ZNF774: variants seen among roughly 807,000 people sequenced by gnomAD.
ZNF774 encodes the protein zinc finger protein 774.
In ZNF774, 14 loss-of-function variants were observed where a neutral mutation model predicts 11.1. The observed-to-expected ratio is 1.26, with a 90% CI of 0.83 to 1.97. The LOEUF (loss-of-function observed/expected upper bound fraction) is 1.97, where lower values mean the gene tolerates loss of function less well. Among genes scored for constraint, ZNF774 ranks in the 30% most tolerant of loss-of-function variants. The pLI, the probability that ZNF774 is intolerant of heterozygous loss-of-function variation, is 0.00. For missense variants in ZNF774, 599 were observed against 587.0 expected, an observed-to-expected ratio of 1.02 and a Z score of -0.21; for synonymous variants, 195 against 212.6, an observed-to-expected ratio of 0.92 and a Z score of 0.72.
intron 1 of ZNF774, among the ~76,000 whole-genome samples, chr15:90,354,097 G>A (rs1368805879): frequency 1.3e-5 from 2 of 150,734 alleles, no homozygotes; most frequent in Non-Finnish European, 3.0e-5. Flanking sequence ...GTCTTTTTCA[G>A]TCTTATTTCT....
intron 3 of ZNF774, among the ~76,000 whole-genome samples, chr15:90,359,650 T>A (rs1361054684): frequency 6.6e-6 from 1 of 151,870 alleles, no homozygotes; most frequent in African/African-American, 2.4e-5. Context: ...GGATGGAGTT[T>A]CACCACGTTG....
At position 90,360,868 on chromosome 15, in the gene ZNF774, C is replaced by A. The variant is rs1041793788; in HGVS notation, c.1037C>A (p.Pro346His). 1.2e-6 allele frequency: 2 copies of A among 1,614,146 alleles called. No homozygotes were observed. The highest frequency in any genetic ancestry group is 1.3e-5 in the African/African-American group (1 of 75,034). The stretch of plus-strand genomic sequence containing the variant: ...ATGAGCACTCATTCAGGAGAGAGGC[C>A]TTTCAGTTGTCCTGACTGCCACAAA... ...AHMSTHSGER[P>H]FSCPDCHKSF... The change falls in exon 4 of 4, where the codon CCT becomes CAT. Residue 346 changes from proline to histidine, a missense_variant. Pro to His is a moderately conservative substitution (Grantham distance 77, BLOSUM62 -2). Coordinates refer to ENST00000354377, the MANE Select transcript of ZNF774 (RefSeq NM_001004309.3).
In ZNF774 at chr15:90,360,312, A is replaced by C; in HGVS notation, c.481A>C (p.Asn161His). 1 of 1,614,210 alleles carries C rather than the reference A, an allele frequency of 6.2e-7. No homozygotes were observed. Among genetic ancestry groups the C allele is most frequent in the Non-Finnish European group, 8.5e-7 (1 of 1,180,044 alleles). The change falls in exon 4 of 4, where the codon AAC becomes CAC. Residue 161 changes from asparagine to histidine, a missense_variant. Transcript: ENST00000354377. ...GTGTGCAGAATGCGGGAAAAGCTTT[A>C]ACCAGAGTTCCTATCTCATAAGACA... ...PMCAECGKSF[N>H]QSSYLIRHLR... is the part of the protein sequence containing the mutation.
chr15:90,361,636 ACCT>A lies in ZNF774; in HGVS notation c.*355_*357del. 7 of 600,404 alleles carry A rather than the reference ACCT, an allele frequency of 1.2e-5. No individual in the cohort carries two copies. Among genetic ancestry groups the A allele is most frequent in the Non-Finnish European group, 1.5e-5 (7 of 468,900 alleles). The allele number at this position is 600,404 out of a possible 1,614,324, so 37.2% of individuals were successfully genotyped here. A position where few individuals can be genotyped will look rare whatever the true frequency, so the allele number is the denominator to read the frequency against. Reference sequence around the variant, plus strand: ...AGACCAGCCTGGTGAGCATGGTGAAACCTCATCTCTACTAAAAATGCAAAAATT... The same window carrying A: ...AGACCAGCCTGGTGAGCATGGTGAAACATCTCTACTAAAAATGCAAAAATT... On this transcript the variant is annotated 3_prime_UTR_variant, in exon 4 of 4. Coordinates refer to ENST00000354377, the MANE Select transcript of ZNF774 (RefSeq NM_001004309.3).
At position 90,361,256 on chromosome 15, in the gene ZNF774, A is replaced by G. The variant is rs1396926499; in HGVS notation, c.1425A>G (p.Leu475=). 6.2e-7 allele frequency: 1 copy of G among 1,607,714 alleles called. No homozygotes were observed. Among genetic ancestry groups the G allele is most frequent in the Non-Finnish European group, 8.5e-7 (1 of 1,176,284 alleles). The change falls in exon 4 of 4, where the codon TTA becomes TTG. Residue 475 remains leucine, a synonymous_variant. Coordinates refer to ENST00000354377, the MANE Select transcript of ZNF774 (RefSeq NM_001004309.3). ...NKSFRQKAHL[L]CHQNTHLI is the part of the protein sequence containing the mutation. The stretch of plus-strand genomic sequence containing the variant: ...GCTTCCGTCAGAAAGCGCATCTTTT[A>G]TGCCATCAAAACACCCATTTGATTT...
intron 1 of ZNF774, among the ~76,000 whole-genome samples, chr15:90,352,900 C>T (rs964270699): frequency 1.3e-5 from 2 of 151,958 alleles, no homozygotes; most frequent in African/African-American, 4.8e-5. Context: ...TCCTCAGTGG[C>T]GCTGTCTCCA....
Position 90,360,390 on chromosome 15 carries a change from G to A in ZNF774, c.559G>A (p.Gly187Ser). The stretch of plus-strand genomic sequence containing the variant: ...CTATACGTGCATTGAGTGTGGGAAA[G>A]GCTTCAAACAGAGCTCAGACCTTGT... ...RPYTCIECGKGFKQSSDLVTH... is the reference protein window; with the variant it reads ...RPYTCIECGKSFKQSSDLVTH... The change falls in exon 4 of 4, where the codon GGC (glycine) becomes AGC (serine). Residue 187 changes from glycine (G) to serine (S), a missense_variant. Gly to Ser is a moderately conservative substitution (Grantham distance 56, BLOSUM62 0). Transcript: ENST00000354377. 6.2e-7 allele frequency: 1 copy of A among 1,612,500 alleles called. No individual in the cohort carries two copies. The highest frequency in any genetic ancestry group is 1.1e-5 in the South Asian group (1 of 91,010).
intron 1 of ZNF774, among the ~76,000 whole-genome samples, chr15:90,353,715 C>T (rs1964205795): frequency 6.6e-6 from 1 of 151,758 alleles, no homozygotes; most frequent in Non-Finnish European, 1.5e-5. Context: ...CCCACTTCAG[C>T]CTCCTGAGTA....
rs563572572 is a variant in ZNF774 at position 90,359,088 on chromosome 15, C to T, written c.211+131C>T. 76 of 531,910 alleles carry T rather than the reference C, an allele frequency of 1.4e-4. No individual in the cohort carries two copies. In the African/African-American group the frequency reaches 1.7e-3, roughly 12 times the overall value. 32.9% of individuals were successfully genotyped at this position (531,910 alleles called of 1,614,324 possible). A position where few individuals can be genotyped will look rare whatever the true frequency, so the allele number is the denominator to read the frequency against. On this transcript the variant is annotated intron_variant, in intron 3 of 3. Transcript: ENST00000354377. ...TTTTTTTTTTTTTTTTTTTTTGAGA[C>T]GGAGTCTCGCTCTGTCGCCCAGGCC... is the stretch of plus-strand genomic sequence containing the variant.
Position 90,358,848 on chromosome 15 carries a change from T to C in ZNF774, c.105-3T>C, listed in dbSNP as rs1364848386. On this transcript the variant is annotated splice_region_variant and splice_polypyrimidine_tract_variant and intron_variant, in intron 2 of 3. Transcript: ENST00000354377. ...CACATCCTATGTTTACATTCCTGTG[T>C]AGAATTTCCAGGCCTAGTGTAATCT... 6.2e-7 allele frequency: 1 copy of C among 1,611,752 alleles called. No individual in the cohort carries two copies. Among genetic ancestry groups the C allele is most frequent in the African/African-American group, 1.3e-5 (1 of 74,946 alleles).
chr15:90,354,526 C>T, intron 1 of ZNF774, 116 bp from the exon 2 acceptor site: 1 of 644,346 alleles, frequency 1.6e-6, no homozygotes, highest in Non-Finnish European at 2.7e-6. Flanking sequence ...ACCTCAGGAC[C>T]ATTCTGGTCA....
At position 90,360,618 on chromosome 15, in the gene ZNF774, T is replaced by C. The variant is rs1446487655; in HGVS notation, c.787T>C (p.Tyr263His). The C allele has an allele frequency of 6.2e-6, 10 of 1,614,166 alleles. No individual in the cohort carries two copies. The highest frequency in any genetic ancestry group is 7.6e-6 in the Non-Finnish European group (9 of 1,180,040). ...HQRTHTGEKPYACLECHKSFS... is the reference protein window; with the variant it reads ...HQRTHTGEKPHACLECHKSFS... Reference sequence around the variant, plus strand: ...AAGAACCCACACAGGCGAGAAGCCCTACGCGTGCCTGGAATGTCACAAAAG... The same window carrying C: ...AAGAACCCACACAGGCGAGAAGCCCCACGCGTGCCTGGAATGTCACAAAAG... The change falls in exon 4 of 4, where the codon TAC (tyrosine) becomes CAC (histidine). Residue 263 changes from tyrosine (Y) to histidine (H), a missense_variant. Coordinates refer to ENST00000354377, the MANE Select transcript of ZNF774 (RefSeq NM_001004309.3).
Position 90,360,451 on chromosome 15 carries a change from A to G in ZNF774, c.620A>G (p.Tyr207Cys), listed in dbSNP as rs761690991. The part of the protein sequence containing the change: ...HRRTHTGEKP[Y>C]QCKGCEKKFS... ...AGAACACACACAGGAGAGAAGCCCT[A>G]CCAATGCAAGGGGTGTGAGAAGAAA... The change falls in exon 4 of 4, where the codon TAC becomes TGC. Residue 207 changes from tyrosine (Y) to cysteine (C), a missense_variant. Transcript: ENST00000354377. 4 of 1,613,780 alleles carry G rather than the reference A, an allele frequency of 2.5e-6. No individual in the cohort carries two copies. Among genetic ancestry groups the G allele is most frequent in the Non-Finnish European group, 3.4e-6 (4 of 1,180,034 alleles).
intron 2 of ZNF774, among the ~76,000 whole-genome samples, chr15:90,357,961 C>A (rs1175514885): frequency 2.0e-5 from 3 of 149,512 alleles, no homozygotes; most frequent in Non-Finnish European, 4.4e-5. Context: ...AGTGGTGTGA[C>A]CTCGATTCAC....
In ZNF774 at chr15:90,362,773, AC is replaced by A; in HGVS notation, c.*1491del. 1.8e-6 allele frequency: 1 copy of A among 560,688 alleles called. No individual in the cohort carries two copies. Among genetic ancestry groups the A allele is most frequent in the Non-Finnish European group, 3.2e-6 (1 of 312,506 alleles). 34.7% of individuals were successfully genotyped at this position (560,688 alleles called of 1,614,324 possible). The stretch of plus-strand genomic sequence containing the variant: ...TACACACACACACACACACACACAC[AC>A]ACACACACACACTTTGTTGGTTAAC... On this transcript the variant is annotated 3_prime_UTR_variant, in exon 4 of 4. Coordinates refer to ENST00000354377, the MANE Select transcript of ZNF774 (RefSeq NM_001004309.3).
rs1259216138 is a variant in ZNF774 at position 90,359,172 on chromosome 15, A to G, written c.211+215A>G. Among the ~76,000 whole-genome samples, 3 of 146,172 alleles carry G rather than the reference A, an allele frequency of 2.1e-5. No individual in the cohort carries two copies. In the East Asian group the frequency reaches 6.1e-4, roughly 30 times the overall value. ...ACTGCAAGCTCCGCTTCCCGGGTTC[A>G]CGCCATTCTCCTGCCTCAGCCTCCC... On this transcript the variant is annotated intron_variant, in intron 3 of 3. Coordinates refer to ENST00000354377, the MANE Select transcript of ZNF774 (RefSeq NM_001004309.3).
At chr15:90,356,647 G>T (rs1407935740) in intron 2 of ZNF774, among the ~76,000 whole-genome samples, 2 of 152,156 alleles carry the variant, frequency 1.3e-5, no homozygotes, top group Non-Finnish European at 2.9e-5. Context: ...AAGCACAAAA[G>T]AATAATATTG....
Position 90,360,138 on chromosome 15 carries a change from C to T in ZNF774, c.307C>T (p.His103Tyr). The T allele has an allele frequency of 6.2e-7, 1 of 1,614,190 alleles. No homozygotes were observed. Among genetic ancestry groups the T allele is most frequent in the African/African-American group, 1.3e-5 (1 of 75,044 alleles). Residue 103 changes from histidine to tyrosine, a missense_variant, in exon 4 of 4, where the codon CAT becomes TAT. By Grantham distance (83) the His-to-Tyr change is moderately conservative. Coordinates refer to ENST00000354377, the MANE Select transcript of ZNF774 (RefSeq NM_001004309.3). ...SSERTNKDLS[H>Y]TLSWGGNWEQ... ...AGAAAGGACCAATAAAGATCTTTCT[C>T]ATACTCTTAGTTGGGGAGGAAACTG...
At chr15:90,355,991 G>A (rs560855248) in intron 2 of ZNF774, among the ~76,000 whole-genome samples, 2 of 139,450 alleles carry the variant, frequency 1.4e-5, no homozygotes, top group South Asian at 4.5e-4. Flanking sequence ...TCATGCCACT[G>A]CACTCCATCC....
Sources: gnomAD v4.1 joint callset for allele counts (sites outside exome capture counted in the v4.1 genomes callset) on GRCh38, gnomAD v4.1.1 for gene constraint, MANE v1.5 for transcripts, NCBI Gene and HGNC (gene_info 2026-07-23, HGNC 2026-07-21) for gene names.